DNAH1: variants seen among roughly 807,000 people sequenced by gnomAD.
DNAH1 encodes the protein dynein axonemal heavy chain 1.
Under a neutral mutation model 484.3 loss-of-function variants are expected in DNAH1, and 327 were observed. The observed-to-expected ratio is 0.68, with a 90% CI of 0.62 to 0.74. The LOEUF is 0.74. Ranked by LOEUF, DNAH1 falls within the 30% of genes least tolerant of loss-of-function variation. DNAH1 has a pLI of 0.00. For missense variants in DNAH1, 5,052 were observed against 5,546.8 expected (o/e 0.91, Z 2.83); for synonymous variants, 2,192 against 2,191.9 (o/e 1.00, Z 0.00).
intron 73 of DNAH1, 29 bp downstream of exon 73, chr3:52,397,073 A>T: frequency 6.4e-7 from 1 of 1,558,936 alleles, no homozygotes; most frequent in Non-Finnish European, 8.7e-7. Context: ...GCTGCACAGG[A>T]GGGGCCTGCC....
rs552181934 is a variant in DNAH1, at chr3:52,370,484, A to G, written c.6266A>G (p.Lys2089Arg). The G allele has an allele frequency of 4.3e-6, 7 of 1,613,970 alleles. No individual in the cohort carries two copies. The highest frequency in any genetic ancestry group is 5.9e-6 in the Non-Finnish European group (7 of 1,179,890). ...FKPFLPREGL[K>R]KIPSEKLSRI... ...TGTTCCCTTCATCCCCAGGGCCTCAAGAAAATACCCTCTGAAAAGCTGAGT... is the reference window on the plus strand; with the variant it reads ...TGTTCCCTTCATCCCCAGGGCCTCAGGAAAATACCCTCTGAAAAGCTGAGT... Residue 2089 changes from lysine to arginine, a missense_variant, in exon 40 of 78, where the codon AAG becomes AGG. This residue lies in a region of DNAH1 where 2,929 missense variants were observed against 3,409.4 expected (regional missense o/e 0.86). Transcript: ENST00000420323.
Position 52,396,669 on chromosome 3 carries a change from G to A in DNAH1, c.11482G>A (p.Ala3828Thr), listed in dbSNP as rs751748110. 4.2e-5 allele frequency: 67 copies of A among 1,613,472 alleles called. No homozygotes were observed. The highest frequency in any genetic ancestry group is 6.7e-5 in the African/African-American group (5 of 74,846). The change falls in exon 72 of 78, where the codon GCC becomes ACC. Residue 3828 changes from alanine (A) to threonine (T), a missense_variant. By Grantham distance (58) the Ala-to-Thr change is moderately conservative. Transcript: ENST00000420323. The part of the protein sequence containing the change: ...LLSLCLFHGN[A>T]LERRKFGPLG... ...GTCTCTGTGCTTGTTCCATGGGAAC[G>A]CCCTGGAGCGCCGTAAGTTTGGGCC... is the stretch of plus-strand genomic sequence containing the variant.
At chr3:52,380,251 C>G in intron 48 of DNAH1, 116 bp downstream of exon 48, 1 of 922,744 alleles carries the variant, frequency 1.1e-6, no homozygotes, top group Non-Finnish European at 1.6e-6. Context: ...ACCAGGGGGC[C>G]AGGACGCGGG....
Position 52,370,819 on chromosome 3 carries a change from C to A in DNAH1, c.6519C>A (p.Tyr2173Ter). The change falls in exon 41 of 78, where the codon TAC (tyrosine) becomes TAA (stop). Residue 2173 changes from tyrosine to a stop codon, truncating the protein, a stop_gained. Coordinates refer to ENST00000420323, the MANE Select transcript of DNAH1 (RefSeq NM_015512.5). LOFTEE classifies it high-confidence loss of function. ...TNDSEDEEEE[Y>*]KQVAWVKWMD... is the part of the protein sequence containing the mutation. ...ACAGTGAGGATGAAGAGGAGGAATACAAGCAGGTGGCCGCAGGCCCTCCCC... is the reference window on the plus strand; with the variant it reads ...ACAGTGAGGATGAAGAGGAGGAATAAAAGCAGGTGGCCGCAGGCCCTCCCC... 1 of 1,598,306 alleles carries A rather than the reference C, an allele frequency of 6.3e-7. No homozygotes were observed. Among genetic ancestry groups the A allele is most frequent in the Non-Finnish European group, 8.5e-7 (1 of 1,172,924 alleles).
chr3:52,333,875 G>A (rs1192258145), intron 8 of DNAH1, among the ~76,000 whole-genome samples: 2 of 152,142 alleles, frequency 1.3e-5, no homozygotes, highest in African/African-American at 2.4e-5. Context: ...GTAGGCTAAT[G>A]TGAGTGTTCT....
rs1339542786 is a variant in DNAH1 at position 52,399,621 on chromosome 3, G to A, written c.12518G>A (p.Gly4173Asp). The change falls in exon 77 of 78, where the codon GGT (glycine) becomes GAT (aspartate). Residue 4173 changes from glycine (G) to aspartate (D), a missense_variant. Around this residue, in one of 4 missense-constraint regions of DNAH1, gnomAD observed 853 missense variants for 899.0 expected, o/e 0.95. Transcript: ENST00000420323. ...GCYIHGLFLE[G>D]ARWDPEAFQL... ...TATATCCATGGATTATTCCTGGAAGGTGCCCGCTGGGATCCAGAGGCCTTC... is the reference window on the plus strand; with the variant it reads ...TATATCCATGGATTATTCCTGGAAGATGCCCGCTGGGATCCAGAGGCCTTC... 1 of 1,613,874 alleles carries A rather than the reference G, an allele frequency of 6.2e-7. No individual in the cohort carries two copies. The highest frequency in any genetic ancestry group is 1.3e-5 in the African/African-American group (1 of 74,922).
intron 6 of DNAH1, among the ~76,000 whole-genome samples, chr3:52,329,720 G>C (rs918562335): frequency 6.6e-6 from 1 of 151,886 alleles, no homozygotes; most frequent in African/African-American, 2.4e-5. Context: ...AGCTACTCGG[G>C]AGGCTGAGGC....
chr3:52,353,882 C>T lies in DNAH1; in HGVS notation c.3480+249C>T. On this transcript the variant is annotated intron_variant, in intron 20 of 77. Transcript: ENST00000420323. This position sits in a 1 kb window ranked among gnomAD's most constrained non-coding sequence, Gnocchi z 5.0. ...AAGAGCCCCAGGAAGGAGCTAATAG[C>T]ATTAGCCTCAATTTAACAGATGTGT... is the stretch of plus-strand genomic sequence containing the variant. 1.9e-6 allele frequency: 1 copy of T among 526,718 alleles called. No homozygotes were observed. The highest frequency in any genetic ancestry group is 1.9e-5 in the African/African-American group (1 of 52,290). The allele number at this position is 526,718 out of a possible 1,614,324, so 32.6% of individuals were successfully genotyped here.
chr3:52,400,268 T>C (rs1362592695), intron 77 of DNAH1, 57 bp from the exon 78 acceptor site: 6 of 1,605,898 alleles, frequency 3.7e-6, no homozygotes, highest in Non-Finnish European at 5.1e-6. Context: ...CCCTACGCTA[T>C]CCCTGCTAGT....
intron 44 of DNAH1, among the ~76,000 whole-genome samples, chr3:52,373,354 G>A (rs1046442949): frequency 1.3e-5 from 2 of 152,190 alleles, no homozygotes; most frequent in Non-Finnish European, 2.9e-5. Flanking sequence ...CTGCTGCTGC[G>A]GGGGCAGGAA....
intron 73 of DNAH1, 101 bp from the exon 74 acceptor site, chr3:52,397,606 G>C: frequency 8.9e-7 from 1 of 1,121,082 alleles, no homozygotes; most frequent in South Asian, 1.6e-5. Flanking sequence ...GGAGTGACAA[G>C]TGGGGAATGT....
In DNAH1 at chr3:52,326,282, A is replaced by C. The variant is rs768066020; in HGVS notation, c.549A>C (p.Pro183=). The C allele has an allele frequency of 1.2e-6, 2 of 1,610,746 alleles. No individual in the cohort carries two copies. Among genetic ancestry groups the C allele is most frequent in the Non-Finnish European group, 1.7e-6 (2 of 1,179,800 alleles). Residue 183 remains proline (P), a synonymous_variant, in exon 4 of 78, where the codon CCA becomes CCC. Transcript: ENST00000420323. ...PKMQVPFQVL[P]GQHPRKIEIE... is the part of the protein sequence containing the mutation. ...TGCAGGTGCCTTTCCAGGTGCTGCC[A>C]GGCCAGCATCCTCGCAAGATTGAGA...
intron 8 of DNAH1, among the ~76,000 whole-genome samples, chr3:52,342,928 C>G (rs553530149): frequency 4.6e-5 from 7 of 152,232 alleles, no homozygotes; most frequent in Admixed American, 4.6e-4. Flanking sequence ...GTTCAGAGTC[C>G]GAGGCTGGAG....
In DNAH1 at chr3:52,399,687, T is replaced by C. The variant is rs1704818457; in HGVS notation, c.12584T>C (p.Met4195Thr). 6.2e-7 allele frequency: 1 copy of C among 1,613,888 alleles called. No homozygotes were observed. The highest frequency in any genetic ancestry group is 1.7e-5 in the Admixed American group (1 of 60,002). ...CAGCCCAAGGAGCTGTACACAGAGA[T>C]GGCCGTTATCTGGCTCTTGCCAACA... ...ESQPKELYTE[M>T]AVIWLLPTPN... Residue 4195 changes from methionine (M) to threonine (T), a missense_variant, in exon 77 of 78, where the codon ATG (methionine) becomes ACG (threonine). Physicochemically the swap from Met to Thr is moderately conservative, Grantham distance 81 (BLOSUM62 -1). Transcript: ENST00000420323.
intron 11 of DNAH1, among the ~76,000 whole-genome samples, chr3:52,347,473 T>C (rs1702189893): frequency 6.6e-6 from 1 of 152,154 alleles, no homozygotes; most frequent in Admixed American, 6.5e-5. Context: ...CCAGCTGGGA[T>C]CCAGGCTTGG....
chr3:52,381,543 C>A lies in DNAH1; in HGVS notation c.7609-97C>A. On this transcript the variant is annotated intron_variant, in intron 48 of 77. Transcript: ENST00000420323. The surrounding 1 kb of genome is among the most constrained non-coding windows in gnomAD (Gnocchi z 4.1). ...AGGTGGTCAAGGCACCTGTGCTTCTCAGTCAGGACAGAGAAGAAAGCGGGT... is the reference window on the plus strand; with the variant it reads ...AGGTGGTCAAGGCACCTGTGCTTCTAAGTCAGGACAGAGAAGAAAGCGGGT... 1 of 1,211,756 alleles carries A rather than the reference C, an allele frequency of 8.3e-7. No individual in the cohort carries two copies. Among genetic ancestry groups the A allele is most frequent in the Non-Finnish European group, 1.1e-6 (1 of 876,380 alleles). 75.1% of individuals were successfully genotyped at this position (1,211,756 alleles called of 1,614,324 possible).
chr3:52,394,379 T>C, intron 66 of DNAH1, 86 bp from the exon 67 acceptor site: 1 of 1,326,030 alleles, frequency 7.5e-7, no homozygotes, highest in Non-Finnish European at 1.1e-6. Flanking sequence ...GTGAGGGTGG[T>C]TAGAGAGGCA....
chr3:52,333,006 G>C (rs1275914009), intron 8 of DNAH1, among the ~76,000 whole-genome samples: 7 of 152,176 alleles, frequency 4.6e-5, no homozygotes, highest in African/African-American at 1.7e-4. Flanking sequence ...TCCCACCTCA[G>C]CCTCCTGAGT....
In DNAH1 at chr3:52,391,481, G is replaced by A. The variant is rs1312917978; in HGVS notation, c.9930G>A (p.Gly3310=). The A allele has an allele frequency of 1.2e-6, 2 of 1,612,880 alleles. No individual in the cohort carries two copies. The highest frequency in any genetic ancestry group is 8.5e-7 in the Non-Finnish European group (1 of 1,179,448). ...KQQGNTVLKL[G]DTVIPYHEDF... is the part of the protein sequence containing the mutation. ...AGGGAAACACGGTGCTGAAGCTGGG[G>A]GACACGGTGATCCCCTACCATGAGG... Residue 3310 remains glycine (G), a synonymous_variant, in exon 63 of 78, where the codon GGG becomes GGA. Transcript: ENST00000420323.
Sources: gnomAD v4.1 joint callset for allele counts (sites outside exome capture counted in the v4.1 genomes callset) on GRCh38, gnomAD v4.1.1 for gene constraint, gnomAD v4.1.1 regional missense constraint, Gnocchi (gnomAD v3.1) non-coding constraint, MANE v1.5 for transcripts, NCBI Gene and HGNC (gene_info 2026-07-23, HGNC 2026-07-21) for gene names.